Variants in ADAMTSL3 observed in about 807,000 individuals in gnomAD.
ADAMTSL3 encodes the protein ADAMTS-like protein 3.
In ADAMTSL3, 128 loss-of-function variants were observed where a neutral mutation model predicts 201.7. The ratio of observed to expected loss-of-function variants is 0.63; its 90% CI spans 0.55 to 0.73. The LOEUF is 0.73. Ranked by LOEUF, ADAMTSL3 falls within the 30% of genes least tolerant of loss-of-function variation. ADAMTSL3 has a pLI of 0.00. For synonymous variants in ADAMTSL3, 738 were observed against 748.4 expected (o/e 0.99, Z 0.23); for missense variants, 1,990 against 2,119.6 (o/e 0.94, Z 1.20).
chr15:83,887,030 T>C (rs573970168), intron 10 of ADAMTSL3, among the ~76,000 whole-genome samples: 3 of 152,294 alleles, frequency 2.0e-5, no homozygotes, highest in African/African-American at 7.2e-5. Flanking sequence ...CCTGCAGCAG[T>C]GATTCTCACA....
chr15:84,022,829 C>G (rs2068229985), intron 26 of ADAMTSL3, among the ~76,000 whole-genome samples: 3 of 151,988 alleles, frequency 2.0e-5, no homozygotes, highest in Admixed American at 2.0e-4. Context: ...CTTTTTTTGT[C>G]CCTTAGATAT....
At position 83,933,018 on chromosome 15, in the gene ADAMTSL3, A is replaced by G. The variant is rs181073163; in HGVS notation, c.2117+8985A>G. On this transcript the variant is annotated intron_variant, in intron 17 of 29. Coordinates refer to ENST00000286744, the MANE Select transcript of ADAMTSL3 (RefSeq NM_207517.3). The stretch of plus-strand genomic sequence containing the variant: ...CTTGGAAGATTGTTTAGAAGAACCA[A>G]TTATCACATTGAACCATCTGAAACT... Among the ~76,000 whole-genome samples, 10 of 152,386 alleles carry G rather than the reference A, an allele frequency of 6.6e-5. No individual in the cohort carries two copies. The East Asian group carries it at 1.2e-3, about 18-fold the overall frequency.
At chr15:83,881,718 G>T (rs975422149) in intron 9 of ADAMTSL3, among the ~76,000 whole-genome samples, 2 of 152,054 alleles carry the variant, frequency 1.3e-5, no homozygotes, top group African/African-American at 4.8e-5. Flanking sequence ...AGCTAGGCAT[G>T]ATAGTGTGCG....
intron 2 of ADAMTSL3, among the ~76,000 whole-genome samples, chr15:83,685,339 C>A (rs7173495): frequency 0.015 from 2,315 of 152,148 alleles, 51 homozygotes; most frequent in African/African-American, 0.052. Context: ...TAGTTTCTCT[C>A]TAGAAATATA....
At chr15:83,829,692 C>A (rs1410679092) in intron 6 of ADAMTSL3, among the ~76,000 whole-genome samples, 1 of 152,166 alleles carries the variant, frequency 6.6e-6, no homozygotes, top group African/African-American at 2.4e-5. Flanking sequence ...CTACACACTG[C>A]TTTAAATGTG....
At chr15:83,677,318 C>T (rs1232952375) in intron 2 of ADAMTSL3, among the ~76,000 whole-genome samples, 4 of 152,102 alleles carry the variant, frequency 2.6e-5, no homozygotes, top group Admixed American at 1.3e-4. Context: ...TTTAGTTCTT[C>T]TATAATCTTG....
chr15:83,770,446 C>G (rs1317854812), intron 3 of ADAMTSL3, among the ~76,000 whole-genome samples: 1 of 152,156 alleles, frequency 6.6e-6, no homozygotes, highest in African/African-American at 2.4e-5. Context: ...TATATACCTC[C>G]AGCCTACATA....
At chr15:83,759,257 G>A (rs544787479) in intron 3 of ADAMTSL3, among the ~76,000 whole-genome samples, 160 of 148,232 alleles carry the variant, frequency 1.1e-3, no homozygotes, top group Non-Finnish European at 1.9e-3. Context: ...ATGGAGTCTC[G>A]CTCTGTCGCC....
At chr15:83,749,441 G>A (rs576860092) in intron 3 of ADAMTSL3, among the ~76,000 whole-genome samples, 1 of 152,314 alleles carries the variant, frequency 6.6e-6, no homozygotes, top group South Asian at 2.1e-4. Context: ...ACCATAGGAA[G>A]AATGGCATAA....
chr15:83,936,873 A>G lies in ADAMTSL3; in HGVS notation c.2118-5723A>G, dbSNP rs551033399. Among the ~76,000 whole-genome samples, 37 of 151,166 alleles carry G rather than the reference A, an allele frequency of 2.4e-4. 3 individuals carry two copies. The highest frequency in any genetic ancestry group is 9.1e-4 in the African/African-American group (37 of 40,494). ...AAATGATGTGAACAGACACTTTCCA[A>G]AAGAAGACCTCCATGTGGCCAACAA... On this transcript the variant is annotated intron_variant, in intron 17 of 29. Coordinates refer to ENST00000286744, the MANE Select transcript of ADAMTSL3 (RefSeq NM_207517.3).
intron 3 of ADAMTSL3, among the ~76,000 whole-genome samples, chr15:83,759,386 C>G (rs969612408): frequency 1.3e-5 from 2 of 152,078 alleles, no homozygotes; most frequent in Non-Finnish European, 2.9e-5. Context: ...CCACCATGCC[C>G]AGCTAATTTT....
intron 26 of ADAMTSL3, among the ~76,000 whole-genome samples, chr15:84,023,056 TTGTC>T (rs1305886084): frequency 1.3e-5 from 2 of 152,218 alleles, no homozygotes; most frequent in East Asian, 3.8e-4. Flanking sequence ...CTTACCACAA[TTGTC>T]TGTCTTGCTC....
chr15:83,959,743 A>G (rs573698634), intron 19 of ADAMTSL3, among the ~76,000 whole-genome samples: 26 of 152,360 alleles, frequency 1.7e-4, no homozygotes, highest in African/African-American at 6.3e-4. Context: ...GCTTTGGCAT[A>G]AAGTTGCTGC....
intron 6 of ADAMTSL3, among the ~76,000 whole-genome samples, chr15:83,833,364 G>T (rs2064195549): frequency 6.6e-6 from 1 of 152,148 alleles, no homozygotes; most frequent in African/African-American, 2.4e-5. Context: ...TCCTCACATG[G>T]CAGAAGGGAT....
At chr15:83,806,310 C>T (rs2063601826) in intron 5 of ADAMTSL3, among the ~76,000 whole-genome samples, 1 of 152,250 alleles carries the variant, frequency 6.6e-6, no homozygotes. Context: ...CTTTCTCTGG[C>T]AAAGGTGCAC....
At chr15:83,915,866 A>G (rs1016389134) in intron 16 of ADAMTSL3, among the ~76,000 whole-genome samples, 1 of 152,186 alleles carries the variant, frequency 6.6e-6, no homozygotes, top group African/African-American at 2.4e-5. Flanking sequence ...CATTATATGG[A>G]TATACAACAT....
intron 5 of ADAMTSL3, among the ~76,000 whole-genome samples, chr15:83,806,991 A>G (rs559320023): frequency 2.4e-4 from 37 of 152,364 alleles, no homozygotes; most frequent in Middle Eastern, 6.8e-3. Flanking sequence ...CCAGAAAAAG[A>G]ATTCAAAGTA....
In ADAMTSL3 at chr15:83,956,205, T is replaced by G. The variant is rs530589907; in HGVS notation, c.2490+13123T>G. 2.0e-5 allele frequency among the ~76,000 whole-genome samples: 3 copies of G among 152,192 alleles called. No homozygotes were observed. The South Asian group carries it at 6.2e-4, about 32-fold the overall frequency. On this transcript the variant is annotated intron_variant, in intron 19 of 29. Transcript: ENST00000286744. ...CCACTGTGACAGGGCAGCACTGAGTTCAATGCAAAGTCCCCCAGTTGCTGT... is the reference window on the plus strand; with the variant it reads ...CCACTGTGACAGGGCAGCACTGAGTGCAATGCAAAGTCCCCCAGTTGCTGT...
At chr15:83,766,609 G>T (rs2062895890) in intron 3 of ADAMTSL3, among the ~76,000 whole-genome samples, 1 of 152,152 alleles carries the variant, frequency 6.6e-6, no homozygotes, top group African/African-American at 2.4e-5. Flanking sequence ...TGCTGTATTT[G>T]ACTGGATTCC....
Sources: gnomAD v4.1 joint callset for allele counts (sites outside exome capture counted in the v4.1 genomes callset) on GRCh38, gnomAD v4.1.1 for gene constraint, MANE v1.5 for transcripts, NCBI Gene and HGNC (gene_info 2026-07-23, HGNC 2026-07-21) for gene names.